NUBP1: variants seen among roughly 807,000 people sequenced by gnomAD.
The protein encoded by NUBP1 is cytosolic Fe-S cluster assembly factor NUBP1.
Under a neutral mutation model 41.8 loss-of-function variants are expected in NUBP1, and 46 were observed. The ratio of observed to expected loss-of-function variants is 1.10; its 90% CI spans 0.87 to 1.41. The LOEUF (loss-of-function observed/expected upper bound fraction) is 1.41. Among genes scored for constraint, NUBP1 ranks in the 40% most tolerant of loss-of-function variants. The pLI is 0.00. For synonymous variants in NUBP1, 189 were observed against 154.6 expected, an observed-to-expected ratio of 1.22 and a Z score of -1.65; for missense variants, 494 against 414.0, an observed-to-expected ratio of 1.19 and a Z score of -1.68.
chr16:10,747,103 G>A, intron 2 of NUBP1, 40 bp from the exon 3 acceptor site: 1 of 1,611,022 alleles, frequency 6.2e-7, no homozygotes, highest in Non-Finnish European at 8.5e-7. Flanking sequence ...TCGAGGTTTG[G>A]TGTGGGACCT....
chr16:10,748,972 T>G (rs1174552759), intron 3 of NUBP1, among the ~76,000 whole-genome samples: 2 of 151,616 alleles, frequency 1.3e-5, no homozygotes, highest in Admixed American at 6.6e-5. Flanking sequence ...GTGCCTGTAG[T>G]CTTAGCTACT....
chr16:10,750,667 G>C (rs1411581416), intron 3 of NUBP1, among the ~76,000 whole-genome samples: 5 of 152,238 alleles, frequency 3.3e-5, no homozygotes, highest in African/African-American at 1.2e-4. Context: ...GCAGAGCTGA[G>C]AGGGGCCTTG....
chr16:10,755,764 A>G lies in NUBP1; in HGVS notation c.360+11A>G. ...GGCTGGTCTCCAGTGGTGAGTTTTC[A>G]CCTCTTTGCCCTATTTTCACAGTAG... On this transcript the variant is annotated intron_variant, in intron 5 of 10. Transcript: ENST00000283027. 6.2e-7 allele frequency: 1 copy of G among 1,613,690 alleles called. No individual in the cohort carries two copies. Among genetic ancestry groups the G allele is most frequent in the South Asian group, 1.1e-5 (1 of 91,060 alleles).
chr16:10,747,236 C>T lies in NUBP1; in HGVS notation c.218C>T (p.Ala73Val). 6.2e-7 allele frequency: 1 copy of T among 1,614,186 alleles called. No individual in the cohort carries two copies. The highest frequency in any genetic ancestry group is 8.5e-7 in the Non-Finnish European group (1 of 1,180,036). ...GGTGTTGGGAAAAGCACATTCAGCGCCCACCTTGCCCATGGCCTAGCAGAG... is the reference window on the plus strand; with the variant it reads ...GGTGTTGGGAAAAGCACATTCAGCGTCCACCTTGCCCATGGCCTAGCAGAG... ...KGGVGKSTFS[A>V]HLAHGLAEDE... Residue 73 changes from alanine to valine, a missense_variant, in exon 3 of 11, where the codon GCC (alanine) becomes GTC (valine). Coordinates refer to ENST00000283027, the MANE Select transcript of NUBP1 (RefSeq NM_002484.4).
At chr16:10,746,943 C>A (rs1900088399) in intron 2 of NUBP1, among the ~76,000 whole-genome samples, 200 bp from the exon 3 acceptor site, 3 of 152,086 alleles carry the variant, frequency 2.0e-5, no homozygotes, top group African/African-American at 7.2e-5. Context: ...ATAAATGAGA[C>A]CCCTTCAAGT....
In NUBP1 at chr16:10,757,982, G is replaced by A. The variant is rs751177543; in HGVS notation, c.561G>A (p.Leu187=). The change falls in exon 7 of 11, where the codon CTG becomes CTA. Residue 187 remains leucine (L), a synonymous_variant. Transcript: ENST00000283027. This position sits in a 1 kb window ranked among gnomAD's most constrained non-coding sequence, Gnocchi z 4.1. ...AACACCTCTCGGTCGTCCGGTACCT[G>A]GCCACAGCACACATCGATGGAGCAG... The part of the protein sequence containing the change: ...SDEHLSVVRY[L]ATAHIDGAVI... 3.6e-5 allele frequency: 58 copies of A among 1,613,960 alleles called. No individual in the cohort carries two copies. The highest frequency in any genetic ancestry group is 2.6e-4 in the South Asian group (24 of 91,078).
At chr16:10,762,585 TG>T in intron 9 of NUBP1, among the ~76,000 whole-genome samples, 1 of 152,108 alleles carries the variant, frequency 6.6e-6, no homozygotes, top group East Asian at 1.9e-4. Context: ...GGCCCTTTAG[TG>T]GGGCTCCTGC....
intron 4 of NUBP1, among the ~76,000 whole-genome samples, chr16:10,753,185 G>A (rs544351814): frequency 6.6e-6 from 1 of 152,166 alleles, no homozygotes; most frequent in African/African-American, 2.4e-5. Context: ...GGCGGGGGAG[G>A]GGCGGGATTG....
chr16:10,748,487 C>A (rs1282264687), intron 3 of NUBP1, among the ~76,000 whole-genome samples: 1 of 152,080 alleles, frequency 6.6e-6, no homozygotes. Context: ...AGAGCACACA[C>A]TCTGGAGTCA....
In NUBP1 at chr16:10,763,975, G is replaced by C. The variant is rs190261175; in HGVS notation, c.820+2116G>C. On this transcript the variant is annotated intron_variant, in intron 9 of 10. Coordinates refer to ENST00000283027, the MANE Select transcript of NUBP1 (RefSeq NM_002484.4). ...ATCTCAGCCCACAGGAGTATCTCAG[G>C]CCACGGGAGCATCCCAACTCAAAGG... 6.2e-3 allele frequency: 856 copies of C among 137,188 alleles called. 17 individuals carry two copies. The highest frequency in any genetic ancestry group is 0.038 in the Admixed American group (444 of 11,774). The allele number at this position is 137,188 out of a possible 1,614,324, so 8.5% of individuals were successfully genotyped here. A position where few individuals can be genotyped will look rare whatever the true frequency, so the allele number is the denominator to read the frequency against.
chr16:10,752,453 A>G (rs1900362947), intron 3 of NUBP1, among the ~76,000 whole-genome samples, 157 bp from the exon 4 acceptor site: 1 of 152,186 alleles, frequency 6.6e-6, no homozygotes, highest in Admixed American at 6.5e-5. Flanking sequence ...GATCAGCGTT[A>G]GGACTCTCCC....
Position 10,769,148 on chromosome 16 carries a change from C to G in NUBP1, c.*43C>G. ...GACCAAGCAGTTACCGAGCGAGGCA[C>G]TCACTGGGCAGCACATCCAGCCAGA... On this transcript the variant is annotated 3_prime_UTR_variant, in exon 11 of 11. Transcript: ENST00000283027. 6.3e-7 allele frequency: 1 copy of G among 1,589,368 alleles called. No individual in the cohort carries two copies. Among genetic ancestry groups the G allele is most frequent in the Non-Finnish European group, 8.6e-7 (1 of 1,157,936 alleles).
intron 9 of NUBP1, among the ~76,000 whole-genome samples, chr16:10,762,423 C>T (rs1400675304): frequency 2.0e-5 from 3 of 152,226 alleles, no homozygotes; most frequent in Non-Finnish European, 4.4e-5. Context: ...GGCCCTGAGG[C>T]TGAAGGAGGG....
chr16:10,769,263 T>C lies in NUBP1; in HGVS notation c.*158T>C, dbSNP rs15379. 5,416 of 616,802 alleles carry C rather than the reference T, an allele frequency of 8.8e-3. 232 individuals are homozygous for C. The highest frequency in any genetic ancestry group is 0.088 in the African/African-American group (4,723 of 53,860). 38.2% of individuals were successfully genotyped at this position (616,802 alleles called of 1,614,324 possible). A position where few individuals can be genotyped will look rare whatever the true frequency, so the allele number is the denominator to read the frequency against. ...CACTTTCTCAGAGACACTTTAATCA[T>C]TGAGTATTTGTACACTTTTCTTTAG... On this transcript the variant is annotated 3_prime_UTR_variant, in exon 11 of 11. Transcript: ENST00000283027.
rs1900628589 is a variant in NUBP1, at chr16:10,757,343, G to A, written c.452-530G>A. ...TTATTTTTATCATGGTTTTATAGTGGCTTATTTGGGTCAGAGAGGTGAGAT... is the reference window on the plus strand; with the variant it reads ...TTATTTTTATCATGGTTTTATAGTGACTTATTTGGGTCAGAGAGGTGAGAT... On this transcript the variant is annotated intron_variant, in intron 6 of 10. Coordinates refer to ENST00000283027, the MANE Select transcript of NUBP1 (RefSeq NM_002484.4). This position sits in a 1 kb window ranked among gnomAD's most constrained non-coding sequence, Gnocchi z 4.1. 6.6e-6 allele frequency among the ~76,000 whole-genome samples: 1 copy of A among 152,158 alleles called. No individual in the cohort carries two copies. Among genetic ancestry groups the A allele is most frequent in the African/African-American group, 2.4e-5 (1 of 41,442 alleles).
At chr16:10,761,237 A>G (rs1862538643) in intron 7 of NUBP1, 127 bp from the exon 8 acceptor site, 3 of 781,042 alleles carry the variant, frequency 3.8e-6, no homozygotes, top group Middle Eastern at 2.7e-4. Flanking sequence ...GCCAAACCCT[A>G]TCAGGGCAGA....
Position 10,767,344 on chromosome 16 carries a change from G to T in NUBP1, c.821-605G>T. The T allele has an allele frequency of 2.5e-6, 1 of 399,516 alleles. No homozygotes were observed. The highest frequency in any genetic ancestry group is 4.4e-6 in the Non-Finnish European group (1 of 226,776). The allele number at this position is 399,516 out of a possible 1,614,324, so 24.7% of individuals were successfully genotyped here. ...GGACTGGAACAATGGCCACATGGCG[G>T]GGAAAGACTAGCAGACTGATAGACA... On this transcript the variant is annotated intron_variant, in intron 9 of 10. Coordinates refer to ENST00000283027, the MANE Select transcript of NUBP1 (RefSeq NM_002484.4). This position sits in a 1 kb window ranked among gnomAD's most constrained non-coding sequence, Gnocchi z 4.6.
In NUBP1 at chr16:10,757,874, C is replaced by A; in HGVS notation, c.453C>A (p.Gly151=). Residue 151 remains glycine (G), a splice_region_variant and synonymous_variant, in exon 7 of 11, where the codon GGC becomes GGA. Coordinates refer to ENST00000283027, the MANE Select transcript of NUBP1 (RefSeq NM_002484.4). The surrounding 1 kb of genome is among the most constrained non-coding windows in gnomAD (Gnocchi z 4.1). ...AVIWRGPKKN[G]MIKQFLRDVD... ...TCCCCTGTGGATTCCTCTTTCTAGG[C>A]ATGATCAAGCAGTTCCTCCGAGATG... 6.2e-7 allele frequency: 1 copy of A among 1,613,362 alleles called. No individual in the cohort carries two copies. Among genetic ancestry groups the A allele is most frequent in the Non-Finnish European group, 8.5e-7 (1 of 1,179,426 alleles).
In NUBP1 at chr16:10,769,193, G is replaced by A. The variant is rs146511825; in HGVS notation, c.*88G>A. 1 of 1,242,012 alleles carries A rather than the reference G, an allele frequency of 8.1e-7. No homozygotes were observed. The highest frequency in any genetic ancestry group is 1.2e-6 in the Non-Finnish European group (1 of 852,750). The allele number at this position is 1,242,012 out of a possible 1,614,324, so 76.9% of individuals were successfully genotyped here. On this transcript the variant is annotated 3_prime_UTR_variant, in exon 11 of 11. Transcript: ENST00000283027. ...GCCAGACCCGACCAGCTCCGGGATG[G>A]GGTGGGTCACAGCAAAAGGACCAGA...
Sources: allele counts gnomAD v4.1 joint callset (sites outside exome capture counted in the v4.1 genomes callset), GRCh38; gene constraint gnomAD v4.1.1; non-coding constraint Gnocchi (gnomAD v3.1); transcripts MANE v1.5; gene names NCBI Gene and HGNC (gene_info 2026-07-23, HGNC 2026-07-21).